ABAT: variants seen among roughly 807,000 people sequenced by gnomAD.
ABAT encodes 4-aminobutyrate aminotransferase, mitochondrial.
Under a neutral mutation model 64.6 loss-of-function variants are expected in ABAT, and 45 were observed. That is an observed-to-expected ratio of 0.70 (90% CI 0.55 to 0.89). The LOEUF (loss-of-function observed/expected upper bound fraction) is 0.89, where lower values mean the gene tolerates loss of function less well. Among genes scored for constraint, ABAT ranks in the 40% least tolerant of loss-of-function variants. ABAT has a pLI of 0.00. For missense variants in ABAT, 633 were observed against 658.4 expected, an observed-to-expected ratio of 0.96 and a Z score of 0.42; for synonymous variants, 297 against 250.5, an observed-to-expected ratio of 1.19 and a Z score of -1.75.
chr16:8,728,054 G>C (rs945063690), intron 1 of ABAT, among the ~76,000 whole-genome samples: 1 of 148,194 alleles, frequency 6.7e-6, no homozygotes. Flanking sequence ...CTGGGCGACA[G>C]AGTGAGACCC....
Position 8,732,215 on chromosome 16 carries a change from T to C in ABAT, c.-41-3484T>C, listed in dbSNP as rs529410592. 1.3e-3 allele frequency among the ~76,000 whole-genome samples: 179 copies of C among 141,542 alleles called. 2 individuals carry two copies. Among genetic ancestry groups the C allele is most frequent in the Non-Finnish European group, 1.8e-4 (12 of 66,198 alleles). The allele number at this position is 141,542 out of a possible 152,430, so 92.9% of individuals were successfully genotyped here. ...TTTTTTGTTTTTTTTTTTTGTTTGT[T>C]TGTTTTTTTAATTTATTTATTTTTT... On this transcript the variant is annotated intron_variant, in intron 1 of 15. Coordinates refer to ENST00000268251, the MANE Select transcript of ABAT (RefSeq NM_020686.6).
At chr16:8,735,400 C>A (rs1596440232) in intron 1 of ABAT, among the ~76,000 whole-genome samples, 1 of 151,914 alleles carries the variant, frequency 6.6e-6, no homozygotes, top group African/African-American at 2.4e-5. Flanking sequence ...TATAGGCAGG[C>A]ACCACCACAC....
intron 1 of ABAT, among the ~76,000 whole-genome samples, chr16:8,724,559 C>T (rs1019618549): frequency 1.3e-5 from 2 of 151,884 alleles, no homozygotes; most frequent in African/African-American, 2.4e-5. Context: ...TGGTGAAACC[C>T]CATCTCTCCA....
intron 13 of ABAT, among the ~76,000 whole-genome samples, chr16:8,775,519 T>C (rs28669991): frequency 0.1 from 15,871 of 151,844 alleles, 1,451 homozygotes; most frequent in African/African-American, 0.24. Flanking sequence ...CCAGAGCCCA[T>C]ACTCTTACCC....
chr16:8,764,235 A>G lies in ABAT; in HGVS notation c.447+86A>G, dbSNP rs905190948. On this transcript the variant is annotated intron_variant, in intron 7 of 15. Coordinates refer to ENST00000268251, the MANE Select transcript of ABAT (RefSeq NM_020686.6). This position sits in a 1 kb window ranked among gnomAD's most constrained non-coding sequence, Gnocchi z 4.2. Reference sequence around the variant, plus strand: ...AGTGGAGACGCCAACAATGAAGAATAAGGTGTTGCTACAGAAATCTTTCTC... The same window carrying G: ...AGTGGAGACGCCAACAATGAAGAATGAGGTGTTGCTACAGAAATCTTTCTC... 1 of 1,114,426 alleles carries G rather than the reference A, an allele frequency of 9.0e-7. No homozygotes were observed. The highest frequency in any genetic ancestry group is 1.4e-6 in the Non-Finnish European group (1 of 734,858). The allele number at this position is 1,114,426 out of a possible 1,614,324, so 69.0% of individuals were successfully genotyped here.
intron 1 of ABAT, among the ~76,000 whole-genome samples, chr16:8,697,642 G>GT (rs60084940): frequency 0.49 from 73,638 of 148,918 alleles, 18,489 homozygotes; most frequent in East Asian, 0.73. Flanking sequence ...TTGTTTTTTG[G>GT]TTTTTTTTTT....
chr16:8,775,305 T>A (rs2060234984), intron 13 of ABAT, among the ~76,000 whole-genome samples: 1 of 152,148 alleles, frequency 6.6e-6, no homozygotes, highest in South Asian at 2.1e-4. Flanking sequence ...CACAATAATA[T>A]CATCGACAGC....
At chr16:8,684,270 G>A (rs979622566) in intron 1 of ABAT, among the ~76,000 whole-genome samples, 5 of 152,034 alleles carry the variant, frequency 3.3e-5, no homozygotes, top group Admixed American at 1.3e-4. Flanking sequence ...CAAGAAAATC[G>A]CAGGGGAAAA....
At chr16:8,702,328 C>T (rs1208992921) in intron 1 of ABAT, among the ~76,000 whole-genome samples, 1 of 151,968 alleles carries the variant, frequency 6.6e-6, no homozygotes, top group Non-Finnish European at 1.5e-5. Flanking sequence ...TCTTGGCTCA[C>T]TGCAACCTCC....
At position 8,688,056 on chromosome 16, in the gene ABAT, C is replaced by T. The variant is rs548453955; in HGVS notation, c.-42+13345C>T. 2.1e-4 allele frequency among the ~76,000 whole-genome samples: 30 copies of T among 145,408 alleles called. No homozygotes were observed. The South Asian group carries it at 5.5e-3, about 27-fold the overall frequency. ...GGAACTATAGGCCCGTTCCCTGCCC[C>T]GCTATTTTACTTATTTTTTATTTTT... On this transcript the variant is annotated intron_variant, in intron 1 of 15. Coordinates refer to ENST00000268251, the MANE Select transcript of ABAT (RefSeq NM_020686.6).
chr16:8,724,776 C>A (rs1319701755), intron 1 of ABAT, among the ~76,000 whole-genome samples: 2 of 138,872 alleles, frequency 1.4e-5, no homozygotes, highest in African/African-American at 2.7e-5. Flanking sequence ...AAAACAATGG[C>A]AATCTTGGGG....
chr16:8,693,376 C>T (rs1299083110), intron 1 of ABAT, among the ~76,000 whole-genome samples: 1 of 151,308 alleles, frequency 6.6e-6, no homozygotes, highest in Non-Finnish European at 1.5e-5. Context: ...AAAAAAATTC[C>T]AGTATATTTA....
intron 5 of ABAT, among the ~76,000 whole-genome samples, chr16:8,754,332 G>A (rs1249192264): frequency 2.6e-5 from 4 of 152,086 alleles, no homozygotes; most frequent in Non-Finnish European, 5.9e-5. Flanking sequence ...TCCAGCCTGG[G>A]CAACAGAGTG....
chr16:8,777,407 G>C (rs74629475), intron 14 of ABAT, among the ~76,000 whole-genome samples: 1,636 of 152,218 alleles, frequency 0.011, 32 homozygotes, highest in African/African-American at 0.037. Context: ...ATGGCTCCTG[G>C]AGCTCCAGCC....
At chr16:8,761,861 C>G (rs1386747717) in intron 6 of ABAT, among the ~76,000 whole-genome samples, 1 of 152,212 alleles carries the variant, frequency 6.6e-6, no homozygotes, top group African/African-American at 2.4e-5. Flanking sequence ...CCAAACCACC[C>G]TGAAACTCCA....
At chr16:8,773,103 T>TACACACACACAC (rs1354262302) in intron 12 of ABAT, among the ~76,000 whole-genome samples, 186 bp downstream of exon 12, 9 of 51,412 alleles carry the variant, frequency 1.8e-4, no homozygotes, top group Non-Finnish European at 3.8e-4. Context: ...TCCCTAAAAC[T>TACACACACACAC]ATACACACAC....
chr16:8,698,427 G>A (rs563871324), intron 1 of ABAT, among the ~76,000 whole-genome samples: 2 of 151,850 alleles, frequency 1.3e-5, no homozygotes, highest in Non-Finnish European at 2.9e-5. Flanking sequence ...TCCGCCTCCT[G>A]GGTTCAAGTG....
chr16:8,769,935 C>T (rs961368155), intron 11 of ABAT, among the ~76,000 whole-genome samples: 1 of 152,080 alleles, frequency 6.6e-6, no homozygotes, highest in Non-Finnish European at 1.5e-5. Flanking sequence ...ATTTATTGAG[C>T]ACCTACTAGA....
chr16:8,736,113 G>A, intron 2 of ABAT: 1 of 383,940 alleles, frequency 2.6e-6, no homozygotes. Flanking sequence ...AAGAGAGCAT[G>A]TGCAGGGGAA....
Sources: gnomAD v4.1 joint callset for allele counts (sites outside exome capture counted in the v4.1 genomes callset) on GRCh38, gnomAD v4.1.1 for gene constraint, Gnocchi (gnomAD v3.1) non-coding constraint, MANE v1.5 for transcripts, NCBI Gene and HGNC (gene_info 2026-07-23, HGNC 2026-07-21) for gene names.